TRIM37: variants seen among roughly 807,000 people sequenced by gnomAD.
TRIM37 encodes tripartite motif containing 37, also known as E3 ubiquitin-protein ligase TRIM37.
In TRIM37, 80 loss-of-function variants were observed where a neutral mutation model predicts 129.8. The ratio of observed to expected loss-of-function variants is 0.62; its 90% CI spans 0.51 to 0.74. TRIM37 has a LOEUF of 0.74. Ranked by LOEUF, TRIM37 falls within the 30% of genes least tolerant of loss-of-function variation. The probability of loss-of-function intolerance (pLI) is 0.00; values close to 1 mark genes in which losing one functional copy is unlikely to be tolerated. For synonymous variants in TRIM37, 389 were observed against 387.1 expected (o/e 1.00, Z -0.06); for missense variants, 1,054 against 1,176.5 (o/e 0.90, Z 1.52).
chr17:59,061,663 T>C (rs112749744), intron 11 of TRIM37, among the ~76,000 whole-genome samples: 3 of 152,018 alleles, frequency 2.0e-5, no homozygotes, highest in African/African-American at 7.3e-5. Flanking sequence ...GCAAGACTCT[T>C]TTAAAAAAAG....
intron 2 of TRIM37, among the ~76,000 whole-genome samples, chr17:59,092,342 T>G (rs7207393): frequency 6.7e-6 from 1 of 150,302 alleles, no homozygotes; most frequent in Non-Finnish European, 1.5e-5. Flanking sequence ...GAGGTTGCAG[T>G]GAGCCGAGAT....
the TRIM37 span, among the ~76,000 whole-genome samples, chr17:58,968,142 C>A: frequency 6.6e-6 from 1 of 152,124 alleles, no homozygotes; most frequent in African/African-American, 2.4e-5. Context: ...TCCTTCATGT[C>A]ATTAAAGTTG....
intron 2 of TRIM37, among the ~76,000 whole-genome samples, chr17:59,094,202 C>CA (rs557007171): frequency 2.4e-4 from 36 of 152,210 alleles, no homozygotes; most frequent in African/African-American, 8.2e-4. Flanking sequence ...TCAGCCTCCA[C>CA]AATCTAATTT....
At chr17:58,996,389 G>A (rs181756810), downstream of TRIM37, among the ~76,000 whole-genome samples, 15 of 150,650 alleles carry the variant, frequency 1.0e-4, no homozygotes, top group East Asian at 2.9e-3. Context: ...AGAATGGCTT[G>A]AATCAGGGAG....
intron 2 of TRIM37, among the ~76,000 whole-genome samples, chr17:59,094,397 T>C (rs567375447): frequency 6.6e-6 from 1 of 152,232 alleles, no homozygotes; most frequent in Non-Finnish European, 1.5e-5. Context: ...AATTATTTTC[T>C]CTCCTTCATT....
At chr17:58,967,519 T>TATAG in the TRIM37 span, among the ~76,000 whole-genome samples, 926 of 145,156 alleles carry the variant, frequency 6.4e-3, 7 homozygotes, top group African/African-American at 0.023. Context: ...TATATATATA[T>TATAG]AGAGAGAGAG....
At chr17:59,054,068 T>C (rs1234367623) in intron 13 of TRIM37, among the ~76,000 whole-genome samples, 2 of 152,166 alleles carry the variant, frequency 1.3e-5, no homozygotes, top group Admixed American at 1.3e-4. Flanking sequence ...TAGCAACTCA[T>C]CTGTCCAGTA....
chr17:59,063,783 A>G (rs1463261961), intron 10 of TRIM37, among the ~76,000 whole-genome samples: 2 of 152,248 alleles, frequency 1.3e-5, no homozygotes, highest in Non-Finnish European at 2.9e-5. Flanking sequence ...AGGATAGGTA[A>G]GAGGGGGCTC....
At chr17:59,005,362 C>A (rs1308467801) in intron 22 of TRIM37, among the ~76,000 whole-genome samples, 1 of 152,114 alleles carries the variant, frequency 6.6e-6, no homozygotes, top group African/African-American at 2.4e-5. Flanking sequence ...CAGCCTACTG[C>A]AACCTCCACC....
intron 16 of TRIM37, 87 bp downstream of exon 16, chr17:59,047,596 A>C: frequency 7.4e-7 from 1 of 1,351,968 alleles, no homozygotes; most frequent in Non-Finnish European, 1.0e-6. Context: ...AAAGTGCTGA[A>C]TATCCCTACA....
chr17:59,105,771 T>C (rs962359754), intron 1 of TRIM37, among the ~76,000 whole-genome samples: 1 of 152,204 alleles, frequency 6.6e-6, no homozygotes, highest in African/African-American at 2.4e-5. Context: ...ATCCATAACA[T>C]AGTTACCCCT....
rs1568133468 is a variant in TRIM37 at position 59,061,117 on chromosome 17, A to C, written c.943-9T>G. On this transcript the variant is annotated splice_polypyrimidine_tract_variant and intron_variant, in intron 11 of 23. Coordinates refer to ENST00000262294, the MANE Select transcript of TRIM37 (RefSeq NM_015294.6). The stretch of plus-strand genomic sequence containing the variant: ...ACAACTCCATTTCCATCCTAAAAGA[A>C]GAATAATCAGTTTGAGTGTAAAAAA... The C allele has an allele frequency of 6.2e-7, 1 of 1,612,118 alleles. No homozygotes were observed. The highest frequency in any genetic ancestry group is 8.5e-7 in the Non-Finnish European group (1 of 1,178,386).
At position 59,028,417 on chromosome 17, in the gene TRIM37, T is replaced by C. The variant is rs1461610514; in HGVS notation, c.2255A>G (p.Asn752Ser). ...GACACTGGGAACATATTACTTACAG[T>C]TTCGTATGTAACAATTGGCAACTGA... Reference protein sequence around the residue: ...KSSVANCYIRNSTNKKSNSPK... With the variant: ...KSSVANCYIRSSTNKKSNSPK... The change falls in exon 19 of 24, where the codon AAC (asparagine) becomes AGC (serine). Residue 752 changes from asparagine to serine, a missense_variant and splice_region_variant. Transcript: ENST00000262294. The C allele has an allele frequency of 1.2e-6, 2 of 1,611,202 alleles. No homozygotes were observed. The highest frequency in any genetic ancestry group is 8.5e-7 in the Non-Finnish European group (1 of 1,179,814).
chr17:59,097,625 T>C (rs2045031232), intron 2 of TRIM37, among the ~76,000 whole-genome samples: 1 of 151,962 alleles, frequency 6.6e-6, no homozygotes, highest in Non-Finnish European at 1.5e-5. Context: ...AATCCCAGCA[T>C]TGGGAGGCCA....
At chr17:58,980,726 G>C (rs1210455611), downstream of TRIM37, 2 of 1,614,060 alleles carry the variant, frequency 1.2e-6, no homozygotes, top group East Asian at 4.5e-5. The surrounding 1 kb of genome is among the most constrained non-coding windows in gnomAD (Gnocchi z 4.7). Flanking sequence ...GTTGGAAAAT[G>C]AACAGTTCAA....
Position 59,106,526 on chromosome 17 carries a change from C to T in TRIM37, c.-65G>A, listed in dbSNP as rs988927229. The T allele has an allele frequency of 1.9e-6, 3 of 1,601,170 alleles. No homozygotes were observed. Among genetic ancestry groups the T allele is most frequent in the Non-Finnish European group, 2.6e-6 (3 of 1,171,824 alleles). On this transcript the variant is annotated 5_prime_UTR_variant, in exon 1 of 24. Coordinates refer to ENST00000262294, the MANE Select transcript of TRIM37 (RefSeq NM_015294.6). ...CTCCGCAGTCTGACCTCTTAGGCGC[C>T]GGCCCGAGGTCGCCAGATCAAATCG...
chr17:59,081,130 A>C lies in TRIM37; in HGVS notation c.459T>G (p.Arg153=), dbSNP rs2043217374. The C allele has an allele frequency of 1.2e-6, 2 of 1,613,758 alleles. No individual in the cohort carries two copies. The highest frequency in any genetic ancestry group is 2.2e-5 in the East Asian group (1 of 44,846). The change falls in exon 6 of 24, where the codon CGT becomes CGG. Residue 153 remains arginine, a synonymous_variant. Coordinates refer to ENST00000262294, the MANE Select transcript of TRIM37 (RefSeq NM_015294.6). The part of the protein sequence containing the change: ...VNEEVAKLRR[R]LMELISLVQE... ...GAACTAAGCTGATCAGTTCCATGAGACGCCGACGAAGTTTGGCTACCTCTT... is the reference window on the plus strand; with the variant it reads ...GAACTAAGCTGATCAGTTCCATGAGCCGCCGACGAAGTTTGGCTACCTCTT...
intron 9 of TRIM37, among the ~76,000 whole-genome samples, chr17:59,068,299 T>C (rs1017163063): frequency 6.6e-6 from 1 of 152,208 alleles, no homozygotes; most frequent in Non-Finnish European, 1.5e-5. Flanking sequence ...GTATTATTAC[T>C]TAGAGTGCTC....
the TRIM37 span, among the ~76,000 whole-genome samples, chr17:58,970,437 G>T: frequency 2.0e-5 from 3 of 151,988 alleles, no homozygotes; most frequent in Admixed American, 6.6e-5. Flanking sequence ...ACGAATAAAA[G>T]AATTTTTAAT....
Sources: gnomAD v4.1 joint callset for allele counts (sites outside exome capture counted in the v4.1 genomes callset) on GRCh38, gnomAD v4.1.1 for gene constraint, Gnocchi (gnomAD v3.1) non-coding constraint, MANE v1.5 for transcripts, NCBI Gene and HGNC (gene_info 2026-07-23, HGNC 2026-07-21) for gene names.